The following PIBF1 variants were observed in gnomAD, a reference collection of about 807,000 sequenced individuals.
The protein encoded by PIBF1 is progesterone-induced-blocking factor 1.
Under a neutral mutation model 112.5 loss-of-function variants are expected in PIBF1, and 90 were observed. The observed-to-expected ratio is 0.80, with a 90% CI of 0.67 to 0.95. PIBF1 has a LOEUF of 0.95. Ranked by LOEUF, PIBF1 falls within the 40% of genes least tolerant of loss-of-function variation. PIBF1 has a pLI of 0.00. For synonymous variants in PIBF1, 301 were observed against 288.6 expected (o/e 1.04, Z -0.44); for missense variants, 915 against 852.3 (o/e 1.07, Z -0.92).
intron 13 of PIBF1, among the ~76,000 whole-genome samples, chr13:72,924,706 G>C (rs1465750458): frequency 2.0e-5 from 3 of 149,658 alleles, no homozygotes; most frequent in East Asian, 3.9e-4. Flanking sequence ...AATAGAGTGA[G>C]ACCCTGCCAG....
chr13:72,848,281 T>G (rs928941369), intron 9 of PIBF1, among the ~76,000 whole-genome samples: 11 of 152,296 alleles, frequency 7.2e-5, no homozygotes, highest in Middle Eastern at 3.4e-3. Flanking sequence ...CTTCTGACAT[T>G]TTTCTTACCA....
chr13:72,863,678 G>T (rs964628185), intron 10 of PIBF1, among the ~76,000 whole-genome samples: 4 of 149,094 alleles, frequency 2.7e-5, no homozygotes, highest in Non-Finnish European at 4.4e-5. Context: ...AAAAAAAAGG[G>T]ACTGAGGATT....
intron 5 of PIBF1, among the ~76,000 whole-genome samples, chr13:72,800,235 C>T (rs1228547410): frequency 1.3e-5 from 2 of 152,164 alleles, no homozygotes; most frequent in African/African-American, 4.8e-5. Flanking sequence ...AGAATTTCGC[C>T]ATTTTGGCCA....
chr13:72,834,982 T>C (rs1209481422), intron 8 of PIBF1, among the ~76,000 whole-genome samples: 3 of 152,196 alleles, frequency 2.0e-5, no homozygotes, highest in African/African-American at 7.2e-5. Context: ...GATGAATAAT[T>C]ATCCCACATG....
chr13:72,795,125 A>T (rs1207664259), intron 3 of PIBF1, among the ~76,000 whole-genome samples: 2 of 152,206 alleles, frequency 1.3e-5, no homozygotes, highest in Non-Finnish European at 2.9e-5. Context: ...ATTCTTTAAG[A>T]ATATCAATTC....
At chr13:72,886,422 A>T (rs1278474895) in intron 10 of PIBF1, among the ~76,000 whole-genome samples, 1 of 151,960 alleles carries the variant, frequency 6.6e-6, no homozygotes, top group Non-Finnish European at 1.5e-5. Flanking sequence ...ACCTAGTGTT[A>T]TAAAGTTTTT....
intron 16 of PIBF1, among the ~76,000 whole-genome samples, chr13:72,981,934 T>C (rs996789379): frequency 5.9e-5 from 9 of 152,232 alleles, no homozygotes; most frequent in Non-Finnish European, 1.3e-4. Flanking sequence ...CTTGTATTCA[T>C]ATCCCAGCTC....
At chr13:72,838,990 G>A (rs2037485291) in intron 9 of PIBF1, among the ~76,000 whole-genome samples, 1 of 152,164 alleles carries the variant, frequency 6.6e-6, no homozygotes. Flanking sequence ...AACAGAAGCA[G>A]GAAATGGGCC....
At chr13:72,974,799 T>C (rs1321788119) in intron 16 of PIBF1, among the ~76,000 whole-genome samples, 1 of 152,198 alleles carries the variant, frequency 6.6e-6, no homozygotes, top group Non-Finnish European at 1.5e-5. Flanking sequence ...AGTTTCCATT[T>C]CTCTTGGGTA....
chr13:72,874,689 CTTGCACACTTAAAATTAG>C (rs1159079816), intron 10 of PIBF1, among the ~76,000 whole-genome samples: 1 of 152,110 alleles, frequency 6.6e-6, no homozygotes, highest in Admixed American at 6.6e-5. Flanking sequence ...AACTTATGAA[CTTGCACACTTAAAATTAG>C]TTAATTTTGT....
intron 9 of PIBF1, among the ~76,000 whole-genome samples, chr13:72,851,556 C>G (rs999304121): frequency 6.6e-6 from 1 of 152,224 alleles, no homozygotes; most frequent in Non-Finnish European, 1.5e-5. Flanking sequence ...GCACTCCAGG[C>G]TGGGCGCCAG....
intron 10 of PIBF1, among the ~76,000 whole-genome samples, chr13:72,882,595 A>G (rs2039687446): frequency 6.6e-6 from 1 of 152,358 alleles, no homozygotes; most frequent in South Asian, 2.1e-4. Flanking sequence ...AGTAGGAAAA[A>G]AATCTAATAA....
At chr13:72,886,731 T>C (rs1016347249) in intron 10 of PIBF1, among the ~76,000 whole-genome samples, 2 of 152,080 alleles carry the variant, frequency 1.3e-5, no homozygotes, top group Non-Finnish European at 2.9e-5. Context: ...TTGTCAAACA[T>C]ACTCAGCATT....
At chr13:72,863,928 C>T (rs1286225249) in intron 10 of PIBF1, among the ~76,000 whole-genome samples, 1 of 152,158 alleles carries the variant, frequency 6.6e-6, no homozygotes, top group African/African-American at 2.4e-5. Context: ...AGGCAATGAT[C>T]ACATTTTAAA....
At chr13:72,868,886 C>G (rs1190364516) in intron 10 of PIBF1, among the ~76,000 whole-genome samples, 5 of 151,236 alleles carry the variant, frequency 3.3e-5, no homozygotes, top group Non-Finnish European at 7.4e-5. Flanking sequence ...TTGTCTGTAC[C>G]CTAACTAAAT....
At chr13:72,851,465 T>C (rs1438646820) in intron 9 of PIBF1, among the ~76,000 whole-genome samples, 2 of 152,222 alleles carry the variant, frequency 1.3e-5, no homozygotes, top group Non-Finnish European at 2.9e-5. Flanking sequence ...CTCTGGACTT[T>C]GGACACTGAC....
At chr13:72,955,206 G>GT (rs1225651075) in intron 14 of PIBF1, among the ~76,000 whole-genome samples, 1 of 152,180 alleles carries the variant, frequency 6.6e-6, no homozygotes, top group Admixed American at 6.5e-5. Flanking sequence ...TTTCATTGTA[G>GT]TAGTAGCTCT....
chr13:72,924,677 T>G (rs187603523), intron 13 of PIBF1, among the ~76,000 whole-genome samples: 12 of 152,118 alleles, frequency 7.9e-5, no homozygotes, highest in Admixed American at 3.9e-4. Context: ...TTTGCACCAT[T>G]GCACTTCCTG....
chr13:72,945,182 A>G (rs1386430840), intron 14 of PIBF1, among the ~76,000 whole-genome samples: 1 of 152,192 alleles, frequency 6.6e-6, no homozygotes, highest in African/African-American at 2.4e-5. Flanking sequence ...CACTTAGGGT[A>G]GTGGCCTCCA....
Sources: allele counts gnomAD v4.1 joint callset (sites outside exome capture counted in the v4.1 genomes callset), GRCh38; gene constraint gnomAD v4.1.1; transcripts MANE v1.5; gene names NCBI Gene and HGNC (gene_info 2026-07-23, HGNC 2026-07-21).